The following TENM3 variants were observed in gnomAD, a reference collection of about 807,000 sequenced individuals.
The protein encoded by TENM3 is teneurin-3.
In TENM3, 63 loss-of-function variants were observed where a neutral mutation model predicts 255.1. That is an observed-to-expected ratio of 0.25 (90% CI 0.20 to 0.30). TENM3 has a LOEUF of 0.30. TENM3 is among the 10% of genes least tolerant of loss of function. The pLI is 1.00. For missense variants in TENM3, 2,929 were observed against 3,461.1 expected (o/e 0.85, Z 3.86); for synonymous variants, 1,306 against 1,322.3 (o/e 0.99, Z 0.27).
chr4:182,506,643 A>G (rs1736845972), intron 3 of TENM3, among the ~76,000 whole-genome samples: 2 of 152,208 alleles, frequency 1.3e-5, no homozygotes, highest in African/African-American at 2.4e-5. Flanking sequence ...TTGGGATGTA[A>G]CATAAGTACA....
the TENM3 span, among the ~76,000 whole-genome samples, chr4:181,950,613 T>C: frequency 6.6e-6 from 1 of 152,192 alleles, no homozygotes; most frequent in African/African-American, 2.4e-5. Flanking sequence ...CAAAACACAG[T>C]GGACACTCAA....
chr4:182,315,578 C>T (rs1762708202), intron 1 of TENM3, among the ~76,000 whole-genome samples: 1 of 152,034 alleles, frequency 6.6e-6, no homozygotes, highest in South Asian at 2.1e-4. Context: ...TAGTTTTGTT[C>T]ACATTTCTTG....
rs768197836 is a variant in TENM3, at chr4:182,457,558, CTTTTTT to C, written c.511+110641_511+110646del. Among the ~76,000 whole-genome samples the C allele has an allele frequency of 3.5e-5, 4 of 115,226 alleles. 1 individual carries two copies. Among genetic ancestry groups the C allele is most frequent in the South Asian group, 6.2e-4 (2 of 3,230 alleles). 75.6% of individuals were successfully genotyped at this position (115,226 alleles called of 152,430 possible). A position where few individuals can be genotyped will look rare whatever the true frequency, so the allele number is the denominator to read the frequency against. ...ATGCAAATACCTAAATCATGTATAT[CTTTTTT>C]TTTTTTTTTTTGAGGATAGACCTTG... On this transcript the variant is annotated intron_variant, in intron 3 of 27. Coordinates refer to ENST00000511685, the MANE Select transcript of TENM3 (RefSeq NM_001080477.4).
chr4:181,948,701 C>G, the TENM3 span, among the ~76,000 whole-genome samples: 1 of 152,128 alleles, frequency 6.6e-6, no homozygotes, highest in South Asian at 2.1e-4. Flanking sequence ...CAGGTGTGAG[C>G]CACCGCGCCT....
At chr4:181,953,772 A>G in the TENM3 span, among the ~76,000 whole-genome samples, 169 of 152,328 alleles carry the variant, frequency 1.1e-3, no homozygotes, top group African/African-American at 3.8e-3. Context: ...TATTTTTTTA[A>G]TGTTTTATTG....
chr4:182,364,566 A>G (rs369814323), intron 3 of TENM3, among the ~76,000 whole-genome samples: 132 of 152,046 alleles, frequency 8.7e-4, no homozygotes, highest in Non-Finnish European at 1.4e-3. Flanking sequence ...ACGGGCGCCC[A>G]CCACCACGCC....
At chr4:181,688,221 AC>A in the TENM3 span, among the ~76,000 whole-genome samples, 5 of 152,108 alleles carry the variant, frequency 3.3e-5, no homozygotes, top group African/African-American at 1.2e-4. Context: ...TAATCTTCTA[AC>A]CAGAGCAAAG....
At chr4:181,920,986 A>G in the TENM3 span, among the ~76,000 whole-genome samples, 1 of 152,208 alleles carries the variant, frequency 6.6e-6, no homozygotes, top group Non-Finnish European at 1.5e-5. Context: ...TTTATTAAAT[A>G]GGGAATCCTT....
chr4:182,286,752 C>G (rs929651148), intron 1 of TENM3, among the ~76,000 whole-genome samples: 3 of 152,152 alleles, frequency 2.0e-5, no homozygotes, highest in African/African-American at 7.2e-5. Context: ...GACCACCACC[C>G]CCTCTCACCA....
the TENM3 span, among the ~76,000 whole-genome samples, chr4:181,760,997 C>CACAT: frequency 7.5e-6 from 1 of 132,682 alleles, no homozygotes; most frequent in African/African-American, 2.8e-5. Flanking sequence ...CACACACACA[C>CACAT]ACACACACAC....
chr4:182,226,541 T>C (rs1756167909), intron 1 of TENM3, among the ~76,000 whole-genome samples: 1 of 152,080 alleles, frequency 6.6e-6, no homozygotes, highest in South Asian at 2.1e-4. Flanking sequence ...AGCATATATA[T>C]ATGTAAGTAA....
chr4:181,895,469 G>A, the TENM3 span, among the ~76,000 whole-genome samples: 7 of 149,170 alleles, frequency 4.7e-5, no homozygotes, highest in South Asian at 6.4e-4. Flanking sequence ...GTACACACTC[G>A]CGCTCCCAGT....
At chr4:182,078,209 G>C in the TENM3 span, among the ~76,000 whole-genome samples, 1 of 152,228 alleles carries the variant, frequency 6.6e-6, no homozygotes, top group Non-Finnish European at 1.5e-5. Flanking sequence ...CTAGGTGACA[G>C]AGCAAGACCC....
At chr4:181,679,456 T>G in the TENM3 span, among the ~76,000 whole-genome samples, 4 of 152,158 alleles carry the variant, frequency 2.6e-5, no homozygotes, top group Non-Finnish European at 5.9e-5. Flanking sequence ...AAATAAAACA[T>G]TTTTTCTTAC....
the TENM3 span, among the ~76,000 whole-genome samples, chr4:181,674,776 G>A: frequency 5.7e-3 from 868 of 152,218 alleles, 7 homozygotes; most frequent in African/African-American, 0.019. Flanking sequence ...ATTCAGCATA[G>A]CACTGTGCTT....
chr4:181,624,419 T>A, the TENM3 span, among the ~76,000 whole-genome samples: 1 of 152,206 alleles, frequency 6.6e-6, no homozygotes, highest in East Asian at 1.9e-4. Context: ...ATGTTTTACA[T>A]GTCCTGGAAG....
Position 182,214,011 on chromosome 4 carries a change from C to T in TENM3, c.-76+69257C>T, listed in dbSNP as rs1360500637. On this transcript the variant is annotated intron_variant, in intron 1 of 2. Coordinates refer to the TENM3 transcript ENST00000512480. ...AGAGACGGGGTTTCACTTGTGTTAG[C>T]CAGGATGGTCTCGATCTCTTGACCT... 2.6e-5 allele frequency among the ~76,000 whole-genome samples: 4 copies of T among 152,108 alleles called. No homozygotes were observed. In the East Asian group the frequency reaches 7.7e-4, roughly 29 times the overall value.
chr4:182,346,973 C>T (rs1360575064), intron 3 of TENM3, 44 bp downstream of exon 3: 1 of 1,442,732 alleles, frequency 6.9e-7, no homozygotes, highest in African/African-American at 1.5e-5. Context: ...TTCAGTGCTT[C>T]TGTCTGTTTT....
At position 182,793,640 on chromosome 4, in the gene TENM3, A is replaced by C; in HGVS notation, c.6968A>C (p.Glu2323Ala). The C allele has an allele frequency of 6.2e-7, 1 of 1,614,008 alleles. No homozygotes were observed. Among genetic ancestry groups the C allele is most frequent in the Non-Finnish European group, 8.5e-7 (1 of 1,179,892 alleles). The change falls in exon 26 of 28, where the codon GAA becomes GCA. Residue 2323 changes from glutamate (E) to alanine (A), a missense_variant. Glu to Ala is a moderately radical substitution (Grantham distance 107, BLOSUM62 -1). Around this residue, in one of 6 missense-constraint regions of TENM3, gnomAD observed 256 missense variants for 389.3 expected, o/e 0.66. Coordinates refer to ENST00000511685, the MANE Select transcript of TENM3 (RefSeq NM_001080477.4). This position sits in a 1 kb window ranked among gnomAD's most constrained non-coding sequence, Gnocchi z 5.7. The stretch of plus-strand genomic sequence containing the variant: ...CAGATTCAGTACACTGCATATGGGG[A>C]AATCTATTTTGACTCTAATATTGAC... ...LKQIQYTAYG[E>A]IYFDSNIDFQ... is the part of the protein sequence containing the mutation.
Sources: allele counts gnomAD v4.1 joint callset (sites outside exome capture counted in the v4.1 genomes callset), GRCh38; gene constraint gnomAD v4.1.1; regional missense constraint gnomAD v4.1.1; non-coding constraint Gnocchi (gnomAD v3.1); transcripts MANE v1.5; gene names NCBI Gene and HGNC (gene_info 2026-07-23, HGNC 2026-07-21).